Variants in LAMA2 observed in about 807,000 individuals in gnomAD.
The protein encoded by LAMA2 is laminin subunit alpha 2, also known as laminin subunit alpha-2.
LAMA2 carries 269 observed loss-of-function variants against 364.8 expected under a neutral mutation model. The ratio of observed to expected loss-of-function variants is 0.74; its 90% CI spans 0.67 to 0.82. The LOEUF (loss-of-function observed/expected upper bound fraction) is 0.82, where lower values mean the gene tolerates loss of function less well. Among genes scored for constraint, LAMA2 ranks in the 40% least tolerant of loss-of-function variants. The probability of loss-of-function intolerance (pLI) is 0.00; values close to 1 mark genes in which losing one functional copy is unlikely to be tolerated. For synonymous variants in LAMA2, 1,379 were observed against 1,370.6 expected (o/e 1.01, Z -0.14); for missense variants, 3,807 against 3,873.2 (o/e 0.98, Z 0.45).
At chr6:129,087,978 G>A (rs921800758) in intron 3 of LAMA2, among the ~76,000 whole-genome samples, 3 of 142,954 alleles carry the variant, frequency 2.1e-5, no homozygotes, top group African/African-American at 7.7e-5. Flanking sequence ...CAATAGTGGA[G>A]GGAAGGTCAG....
At chr6:128,939,897 ACTTT>A (rs1237843407) in intron 1 of LAMA2, among the ~76,000 whole-genome samples, 3 of 151,902 alleles carry the variant, frequency 2.0e-5, no homozygotes, top group South Asian at 4.1e-4. Flanking sequence ...TTCTAGAAAA[ACTTT>A]CTTTCTTCTT....
At chr6:129,036,935 A>C (rs1158373462) in intron 1 of LAMA2, among the ~76,000 whole-genome samples, 1 of 152,226 alleles carries the variant, frequency 6.6e-6, no homozygotes, top group Non-Finnish European at 1.5e-5. Flanking sequence ...CAAATACATT[A>C]ACTAGCTGTC....
chr6:129,475,367 T>C, intron 52 of LAMA2, 23 bp from the exon 53 acceptor site: 1 of 1,408,634 alleles, frequency 7.1e-7, no homozygotes, highest in South Asian at 1.3e-5. Flanking sequence ...TTTGTTTTTT[T>C]TTTCCTCTTT....
chr6:129,135,647 A>G (rs1470732456), intron 4 of LAMA2, among the ~76,000 whole-genome samples: 3 of 152,238 alleles, frequency 2.0e-5, no homozygotes, highest in Admixed American at 1.3e-4. Flanking sequence ...GCACACCCAA[A>G]ACAAAATTTG....
Position 129,192,807 on chromosome 6 carries a change from C to CG in LAMA2, c.1737dup (p.His580AlafsTer30). The CG allele has an allele frequency of 6.2e-7, 1 of 1,614,160 alleles. No homozygotes were observed. On this transcript the variant is annotated frameshift_variant, in exon 12 of 65. Coordinates refer to ENST00000421865, the MANE Select transcript of LAMA2 (RefSeq NM_000426.4). LOFTEE classifies it high-confidence loss of function. The stretch of plus-strand genomic sequence containing the variant: ...AACGCGGAGGCCCGGCAAGCCCTGC[C>CG]GCACAGCTACTACTGGAGCGCGCCG...
intron 9 of LAMA2, among the ~76,000 whole-genome samples, chr6:129,166,430 G>A (rs73773691): frequency 0.028 from 4,300 of 152,150 alleles, 199 homozygotes; most frequent in African/African-American, 0.098. Context: ...TGACTTTAGC[G>A]TTAAAAGACC....
chr6:129,314,933 G>A (rs925083480), intron 24 of LAMA2, 135 bp downstream of exon 24: 2 of 861,308 alleles, frequency 2.3e-6, no homozygotes, highest in Admixed American at 1.9e-5. Flanking sequence ...TTTAGGAACA[G>A]CAAAGGGGTC....
chr6:129,408,253 C>T (rs1332467919), intron 40 of LAMA2, among the ~76,000 whole-genome samples: 1 of 152,096 alleles, frequency 6.6e-6, no homozygotes, highest in Non-Finnish European at 1.5e-5. Flanking sequence ...GCATACACAG[C>T]CTTCTGGAGA....
At chr6:129,262,473 G>T (rs1403407724) in intron 15 of LAMA2, among the ~76,000 whole-genome samples, 1 of 151,842 alleles carries the variant, frequency 6.6e-6, no homozygotes, top group African/African-American at 2.4e-5. Flanking sequence ...CAGATAGATA[G>T]AAGCATTTGA....
chr6:129,288,855 C>T (rs1182182638), intron 19 of LAMA2, among the ~76,000 whole-genome samples: 1 of 152,158 alleles, frequency 6.6e-6, no homozygotes, highest in Non-Finnish European at 1.5e-5. Flanking sequence ...CATTTACTAT[C>T]ATAATGTTTA....
chr6:129,266,961 G>C lies in LAMA2; in HGVS notation c.2209-145G>C. On this transcript the variant is annotated intron_variant, in intron 15 of 64. Coordinates refer to ENST00000421865, the MANE Select transcript of LAMA2 (RefSeq NM_000426.4). ...TCAGGAGGAATAGCTCTGTTGCAAT[G>C]TTTCAATAATGGCAATGCTTTGACA... is the stretch of plus-strand genomic sequence containing the variant. The C allele has an allele frequency of 4.1e-6, 3 of 731,640 alleles. No homozygotes were observed. In the South Asian group the frequency reaches 4.3e-5, roughly 10 times the overall value. The allele number at this position is 731,640 out of a possible 1,614,324, so 45.3% of individuals were successfully genotyped here.
At chr6:129,151,567 G>A (rs527859430) in intron 7 of LAMA2, among the ~76,000 whole-genome samples, 59 of 152,160 alleles carry the variant, frequency 3.9e-4, no homozygotes, top group African/African-American at 1.3e-3. Context: ...CCCGAGACTG[G>A]GTAATTTATA....
intron 62 of LAMA2, among the ~76,000 whole-genome samples, chr6:129,509,711 A>G (rs1025074210): frequency 1.3e-5 from 2 of 152,086 alleles, no homozygotes; most frequent in Non-Finnish European, 1.5e-5. Flanking sequence ...CCACTGGTCT[A>G]TGTGCCTATT....
intron 1 of LAMA2, among the ~76,000 whole-genome samples, chr6:128,917,706 T>TTTTTTCTTTCTTTC (rs1554322937): frequency 1.0e-5 from 1 of 98,366 alleles, no homozygotes; most frequent in African/African-American, 4.0e-5. Flanking sequence ...TTTCTTTTTT[T>TTTTTTCTTTCTTTC]TTTCTTTCTT....
chr6:128,935,830 T>C (rs771372677), intron 1 of LAMA2, among the ~76,000 whole-genome samples: 3 of 152,186 alleles, frequency 2.0e-5, no homozygotes, highest in Non-Finnish European at 2.9e-5. Context: ...ACTATGTTGA[T>C]TGGGAGTGGT....
intron 1 of LAMA2, among the ~76,000 whole-genome samples, chr6:128,927,917 G>T (rs1459720050): frequency 7.6e-6 from 1 of 131,786 alleles, no homozygotes; most frequent in East Asian, 1.9e-4. Context: ...AAAGTAATCA[G>T]CACCATTTGC....
At position 129,060,297 on chromosome 6, in the gene LAMA2, C is replaced by G. The variant is rs1788806905; in HGVS notation, c.396+401C>G. On this transcript the variant is annotated intron_variant, in intron 3 of 64. Coordinates refer to ENST00000421865, the MANE Select transcript of LAMA2 (RefSeq NM_000426.4). Reference sequence around the variant, plus strand: ...TTAAAGGTTCTTGGATAACAAGGCTCTTGAGCAAATTGCCTCTCATTACTG... The same window carrying G: ...TTAAAGGTTCTTGGATAACAAGGCTGTTGAGCAAATTGCCTCTCATTACTG... Among the ~76,000 whole-genome samples the G allele has an allele frequency of 2.0e-5, 3 of 152,312 alleles. No homozygotes were observed. The South Asian group carries it at 6.2e-4, about 32-fold the overall frequency.
At chr6:129,493,941 T>A (rs1405564526) in intron 58 of LAMA2, among the ~76,000 whole-genome samples, 1 of 152,242 alleles carries the variant, frequency 6.6e-6, no homozygotes, top group African/African-American at 2.4e-5. Flanking sequence ...TATTAGAAAC[T>A]ATACTCTGAT....
intron 51 of LAMA2, among the ~76,000 whole-genome samples, chr6:129,469,158 T>C (rs1783688122): frequency 6.6e-6 from 1 of 151,944 alleles, no homozygotes; most frequent in Admixed American, 6.6e-5. Flanking sequence ...TTAAACTGTG[T>C]TGAGGAGTTT....
Sources: allele counts gnomAD v4.1 joint callset (sites outside exome capture counted in the v4.1 genomes callset), GRCh38; gene constraint gnomAD v4.1.1; transcripts MANE v1.5; gene names NCBI Gene and HGNC (gene_info 2026-07-23, HGNC 2026-07-21).